ZNF568: variants seen among roughly 807,000 people sequenced by gnomAD.
ZNF568 encodes the protein zinc finger protein 568.
ZNF568 carries 11 observed loss-of-function variants against 18.1 expected under a neutral mutation model. The observed-to-expected ratio is 0.61, with a 90% CI of 0.38 to 1.00. The LOEUF (loss-of-function observed/expected upper bound fraction) is 1.00, where lower values mean the gene tolerates loss of function less well. ZNF568 is among the 50% of genes least tolerant of loss of function. ZNF568 has a pLI of 0.01. For missense variants in ZNF568, 639 were observed against 768.2 expected, an observed-to-expected ratio of 0.83 and a Z score of 1.99; for synonymous variants, 213 against 246.6, an observed-to-expected ratio of 0.86 and a Z score of 1.28.
chr19:36,924,123 T>C (rs964921872), intron 3 of ZNF568, among the ~76,000 whole-genome samples: 8 of 152,180 alleles, frequency 5.3e-5, no homozygotes, highest in Admixed American at 1.3e-4. Context: ...AATCAAGTTT[T>C]TTAAAAATGT....
At chr19:36,972,292 A>G (rs913207320) in intron 6 of ZNF568, among the ~76,000 whole-genome samples, 2 of 152,082 alleles carry the variant, frequency 1.3e-5, no homozygotes, top group African/African-American at 4.8e-5. Context: ...GTCCTAAAGT[A>G]TTTCTCGAAC....
At chr19:36,927,849 TGTGTG>T (rs2073583891) in intron 4 of ZNF568, among the ~76,000 whole-genome samples, 1 of 21,870 alleles carries the variant, frequency 4.6e-5, no homozygotes, top group Admixed American at 5.4e-4. Context: ...GATATATGTG[TGTGTG>T]TGTGTGTATA....
chr19:36,927,888 T>TATA (rs2073598879), intron 4 of ZNF568, among the ~76,000 whole-genome samples: 3 of 8,206 alleles, frequency 3.7e-4, no homozygotes, highest in Admixed American at 1.9e-3. Context: ...ATATATATAT[T>TATA]ATATATATAT....
In ZNF568 at chr19:36,952,682, A is replaced by T; in HGVS notation, c.*1594A>T. The T allele has an allele frequency of 1.7e-6, 1 of 579,648 alleles. No individual in the cohort carries two copies. The highest frequency in any genetic ancestry group is 2.0e-5 in the African/African-American group (1 of 48,970). The allele number at this position is 579,648 out of a possible 1,614,324, so 35.9% of individuals were successfully genotyped here. ...GCTTTGCTTGTAGTTTTTATACCTT[A>T]AAAAGACTGGTAGCATATAAAATAA... On this transcript the variant is annotated 3_prime_UTR_variant, in exon 7 of 7. Coordinates refer to ENST00000333987, the MANE Select transcript of ZNF568 (RefSeq NM_198539.4).
At chr19:36,933,974 A>T (rs1488814218) in intron 4 of ZNF568, among the ~76,000 whole-genome samples, 7 of 64,510 alleles carry the variant, frequency 1.1e-4, no homozygotes, top group Admixed American at 1.9e-4. Context: ...AAGTCTTTTC[A>T]TCTTTTCTTT....
At chr19:36,928,686 A>T (rs1227531935) in intron 4 of ZNF568, among the ~76,000 whole-genome samples, 1 of 152,198 alleles carries the variant, frequency 6.6e-6, no homozygotes, top group East Asian at 1.9e-4. Flanking sequence ...TGGACACAAA[A>T]TTAATATACA....
chr19:36,978,492 T>A (rs1410940720), intron 7 of ZNF568, among the ~76,000 whole-genome samples: 1 of 152,278 alleles, frequency 6.6e-6, no homozygotes, highest in Admixed American at 6.5e-5. Flanking sequence ...TGCTGTTCAG[T>A]GTGTTTTCTG....
At chr19:36,953,873 T>C (rs769253065), downstream of ZNF568, among the ~76,000 whole-genome samples, 2 of 151,828 alleles carry the variant, frequency 1.3e-5, no homozygotes, top group Non-Finnish European at 2.9e-5. Context: ...ATTGTGCCAC[T>C]GCACTCCAGT....
chr19:36,955,541 A>G (rs889011184), downstream of ZNF568, among the ~76,000 whole-genome samples: 1 of 152,176 alleles, frequency 6.6e-6, no homozygotes, highest in Non-Finnish European at 1.5e-5. Context: ...CCTAAGGGGT[A>G]GAAATAATAA....
chr19:36,991,170 T>A, intron 2 of ZNF568: 1 of 1,528,898 alleles, frequency 6.5e-7, no homozygotes, highest in African/African-American at 1.4e-5. Context: ...TTATTTTTGG[T>A]TTCAGGGCTT....
At position 36,916,521 on chromosome 19, in the gene ZNF568, G is replaced by C. The variant is rs1277444233; in HGVS notation, c.-326G>C. The C allele has an allele frequency of 6.6e-6, 1 of 152,470 alleles. No individual in the cohort carries two copies. The highest frequency in any genetic ancestry group is 1.5e-5 in the Non-Finnish European group (1 of 68,192). 9.4% of individuals were successfully genotyped at this position (152,470 alleles called of 1,614,324 possible). ...GGCGAGCAAGGGACTCGCGGTTGAC[G>C]GGACACGGATCCTCTAAGGCCCAGA... is the stretch of plus-strand genomic sequence containing the variant. On this transcript the variant is annotated 5_prime_UTR_variant, in exon 1 of 7. Coordinates refer to ENST00000333987, the MANE Select transcript of ZNF568 (RefSeq NM_198539.4). This position sits in a 1 kb window ranked among gnomAD's most constrained non-coding sequence, Gnocchi z 5.3.
intron 6 of ZNF568, among the ~76,000 whole-genome samples, chr19:36,945,760 T>C (rs2073953696): frequency 6.7e-6 from 1 of 150,350 alleles, no homozygotes; most frequent in Non-Finnish European, 1.5e-5. Flanking sequence ...TGTGTGTGTG[T>C]GTATGTATGT....
chr19:36,925,336 G>A, intron 4 of ZNF568, 78 bp downstream of exon 4: 1 of 1,256,072 alleles, frequency 8.0e-7, no homozygotes, highest in Non-Finnish European at 1.1e-6. Flanking sequence ...CTACCAATGT[G>A]TTGGAAAAAA....
chr19:36,953,569 C>G (rs1277119256), downstream of ZNF568, among the ~76,000 whole-genome samples: 6 of 152,116 alleles, frequency 3.9e-5, no homozygotes, highest in East Asian at 1.2e-3. Context: ...TATGCCATCT[C>G]TACAATATTA....
At chr19:36,980,761 G>A (rs1236267072), downstream of ZNF568, among the ~76,000 whole-genome samples, 1 of 152,178 alleles carries the variant, frequency 6.6e-6, no homozygotes, top group Admixed American at 6.5e-5. Context: ...AGTTTTTACT[G>A]AAGCTTCATT....
chr19:36,961,311 A>T (rs524933), intron 6 of ZNF568, among the ~76,000 whole-genome samples: 82,532 of 144,892 alleles, frequency 0.57, 24,103 homozygotes, highest in African/African-American at 0.7. Context: ...TGACTTAAAA[A>T]CTCTTTAATC....
At chr19:36,921,152 A>G (rs1471721426) in intron 2 of ZNF568, among the ~76,000 whole-genome samples, 1 of 152,182 alleles carries the variant, frequency 6.6e-6, no homozygotes, top group Admixed American at 6.5e-5. Context: ...TGTATATATT[A>G]ATAGTTTGTT....
intron 6 of ZNF568, among the ~76,000 whole-genome samples, chr19:36,938,464 T>A (rs540171556): frequency 1.6e-4 from 25 of 152,234 alleles, no homozygotes; most frequent in Middle Eastern, 3.4e-3. Context: ...GAAAGAAAAC[T>A]ACATTTATAG....
At chr19:36,977,923 C>T (rs945231344) in intron 7 of ZNF568, among the ~76,000 whole-genome samples, 1 of 152,202 alleles carries the variant, frequency 6.6e-6, no homozygotes, top group Non-Finnish European at 1.5e-5. Flanking sequence ...ACACTGGCAA[C>T]CTGGGGTCCC....
Sources: gnomAD v4.1 joint callset for allele counts (sites outside exome capture counted in the v4.1 genomes callset) on GRCh38, gnomAD v4.1.1 for gene constraint, Gnocchi (gnomAD v3.1) non-coding constraint, MANE v1.5 for transcripts, NCBI Gene and HGNC (gene_info 2026-07-23, HGNC 2026-07-21) for gene names.